PTPRM: variants seen among roughly 807,000 people sequenced by gnomAD.
PTPRM encodes the protein receptor-type tyrosine-protein phosphatase mu.
Under a neutral mutation model 186.7 loss-of-function variants are expected in PTPRM, and 47 were observed. The observed-to-expected ratio is 0.25, with a 90% CI of 0.20 to 0.32. The LOEUF is 0.32. Ranked by LOEUF, PTPRM falls within the 10% of genes least tolerant of loss-of-function variation. PTPRM has a pLI of 1.00. For missense variants in PTPRM, 1,494 were observed against 1,865.0 expected (o/e 0.80, Z 3.66); for synonymous variants, 668 against 674.9 (o/e 0.99, Z 0.16).
intron 6 of PTPRM, among the ~76,000 whole-genome samples, chr18:7,951,229 A>G (rs2052931066): frequency 6.6e-6 from 1 of 152,204 alleles, no homozygotes; most frequent in Non-Finnish European, 1.5e-5. Flanking sequence ...GATGTACAGA[A>G]AGGACACTAG....
At chr18:7,924,519 T>A (rs1256594012) in intron 4 of PTPRM, among the ~76,000 whole-genome samples, 1 of 152,176 alleles carries the variant, frequency 6.6e-6, no homozygotes, top group Non-Finnish European at 1.5e-5. Flanking sequence ...TATAAAGTTT[T>A]TTATATGGTA....
intron 14 of PTPRM, among the ~76,000 whole-genome samples, chr18:8,218,368 A>G (rs1471844005): frequency 6.8e-6 from 1 of 146,176 alleles, no homozygotes; most frequent in Non-Finnish European, 1.5e-5. Flanking sequence ...ATTTAGAAGA[A>G]CGGTTAAACT....
intron 2 of PTPRM, among the ~76,000 whole-genome samples, chr18:7,825,555 G>T (rs76971788): frequency 0.035 from 5,359 of 152,150 alleles, 267 homozygotes; most frequent in African/African-American, 0.11. Flanking sequence ...AGAAGACACA[G>T]GTTTGGAAGG....
chr18:7,987,867 A>C (rs935685618), intron 7 of PTPRM, among the ~76,000 whole-genome samples: 1 of 152,120 alleles, frequency 6.6e-6, no homozygotes, highest in African/African-American at 2.4e-5. Flanking sequence ...ATATCTTCAC[A>C]AACAAATATG....
chr18:7,972,353 C>G (rs1183965026), intron 7 of PTPRM, among the ~76,000 whole-genome samples: 4 of 126,740 alleles, frequency 3.2e-5, no homozygotes, highest in East Asian at 2.2e-4. Context: ...GGAGATATAC[C>G]TAATGCTAGA....
chr18:8,335,980 C>T (rs1285584793), intron 22 of PTPRM, among the ~76,000 whole-genome samples: 1 of 152,090 alleles, frequency 6.6e-6, no homozygotes, highest in African/African-American at 2.4e-5. Flanking sequence ...CATGATCGCG[C>T]CACCGCACTC....
intron 14 of PTPRM, among the ~76,000 whole-genome samples, chr18:8,189,143 A>C (rs949047956): frequency 1.3e-5 from 2 of 152,092 alleles, no homozygotes; most frequent in African/African-American, 4.8e-5. Context: ...TCTACAAAAA[A>C]TAAATTAGCC....
chr18:8,089,627 T>C (rs958537960), intron 11 of PTPRM, among the ~76,000 whole-genome samples: 2 of 152,196 alleles, frequency 1.3e-5, no homozygotes, highest in African/African-American at 2.4e-5. Context: ...GAGTCATCTA[T>C]TACTTTGAAT....
At chr18:7,930,588 CTACTA>C (rs1382090919) in intron 5 of PTPRM, among the ~76,000 whole-genome samples, 1 of 152,130 alleles carries the variant, frequency 6.6e-6, no homozygotes, top group Non-Finnish European at 1.5e-5. Flanking sequence ...TAATTCCACT[CTACTA>C]TACCGTCTTG....
chr18:8,359,264 T>C (rs749499992), intron 23 of PTPRM, among the ~76,000 whole-genome samples: 32 of 152,188 alleles, frequency 2.1e-4, no homozygotes, highest in Non-Finnish European at 3.5e-4. Context: ...AATTTGCAGG[T>C]CTGAATAACA....
chr18:8,289,496 GTA>G lies in PTPRM; in HGVS notation c.2755-6866_2755-6865del, dbSNP rs1491272386. On this transcript the variant is annotated intron_variant, in intron 19 of 32. Coordinates refer to ENST00000580170, the MANE Select transcript of PTPRM (RefSeq NM_001105244.2). ...CACATATGTATATATATACATATAT[GTA>G]TATATGTGTGTGTATGTATATATAT... 5.0e-4 allele frequency among the ~76,000 whole-genome samples: 58 copies of G among 115,504 alleles called. 3 individuals are homozygous for G. Among genetic ancestry groups the G allele is most frequent in the Middle Eastern group, 4.2e-3 (1 of 236 alleles). 75.8% of individuals were successfully genotyped at this position (115,504 alleles called of 152,430 possible). A position where few individuals can be genotyped will look rare whatever the true frequency, so the allele number is the denominator to read the frequency against.
intron 20 of PTPRM, among the ~76,000 whole-genome samples, chr18:8,312,249 A>T (rs1410004557): frequency 6.6e-6 from 1 of 151,460 alleles, no homozygotes; most frequent in Non-Finnish European, 1.5e-5. Context: ...CTCTCCTAAG[A>T]TACACAAAAG....
At chr18:8,180,807 C>A (rs1311932487) in intron 14 of PTPRM, among the ~76,000 whole-genome samples, 1 of 152,198 alleles carries the variant, frequency 6.6e-6, no homozygotes, top group Non-Finnish European at 1.5e-5. Flanking sequence ...CTGCTGATCA[C>A]CAGTTTCAGG....
intron 2 of PTPRM, among the ~76,000 whole-genome samples, chr18:7,838,352 G>A (rs1168278376): frequency 1.3e-5 from 2 of 152,214 alleles, no homozygotes; most frequent in African/African-American, 4.8e-5. Flanking sequence ...CCCACGACAT[G>A]TGGGGATTAT....
chr18:7,979,523 G>A lies in PTPRM; in HGVS notation c.1132+24109G>A, dbSNP rs537045546. ...AACGTGTTACATGACATATTTATTA[G>A]TCCAAATGAAAAATACTCGTTGAAA... is the stretch of plus-strand genomic sequence containing the variant. On this transcript the variant is annotated intron_variant, in intron 7 of 32. Transcript: ENST00000580170. Among the ~76,000 whole-genome samples the A allele has an allele frequency of 2.0e-5, 3 of 152,234 alleles. No individual in the cohort carries two copies. In the South Asian group the frequency reaches 6.2e-4, roughly 32 times the overall value.
chr18:8,325,907 A>G (rs11875736), intron 22 of PTPRM, among the ~76,000 whole-genome samples: 9,985 of 152,232 alleles, frequency 0.066, 356 homozygotes, highest in East Asian at 0.09. Flanking sequence ...TGTGATTTTA[A>G]TATGCATTTA....
At chr18:7,626,301 G>A (rs1314677690) in intron 1 of PTPRM, among the ~76,000 whole-genome samples, 1 of 152,170 alleles carries the variant, frequency 6.6e-6, no homozygotes, top group African/African-American at 2.4e-5. Context: ...CAAAGACTGT[G>A]GTCACCACCT....
chr18:7,766,387 T>C (rs1568098575), intron 1 of PTPRM, among the ~76,000 whole-genome samples: 1 of 152,290 alleles, frequency 6.6e-6, no homozygotes, highest in East Asian at 1.9e-4. Context: ...GAATAGTGGA[T>C]GTATGGAGCT....
intron 13 of PTPRM, among the ~76,000 whole-genome samples, chr18:8,124,344 C>T (rs2092271951): frequency 6.6e-6 from 1 of 152,196 alleles, no homozygotes; most frequent in Non-Finnish European, 1.5e-5. Flanking sequence ...CCATTTGCAT[C>T]ACCCATCAAC....
Sources: allele counts gnomAD v4.1 joint callset (sites outside exome capture counted in the v4.1 genomes callset), GRCh38; gene constraint gnomAD v4.1.1; transcripts MANE v1.5; gene names NCBI Gene and HGNC (gene_info 2026-07-23, HGNC 2026-07-21).